SEMA5A: variants seen among roughly 807,000 people sequenced by gnomAD.
The protein encoded by SEMA5A is semaphorin-5A.
SEMA5A carries 55 observed loss-of-function variants against 135.5 expected under a neutral mutation model. The observed-to-expected ratio is 0.41, with a 90% confidence interval of 0.33 to 0.51. The LOEUF is 0.51. Ranked by LOEUF, SEMA5A falls within the 20% of genes least tolerant of loss-of-function variation. The probability of loss-of-function intolerance (pLI) is 0.37; values close to 1 mark genes in which losing one functional copy is unlikely to be tolerated. For missense variants in SEMA5A, 1,290 were observed against 1,419.9 expected, an observed-to-expected ratio of 0.91 and a Z score of 1.47; for synonymous variants, 580 against 546.5, an observed-to-expected ratio of 1.06 and a Z score of -0.85.
At chr5:9,449,731 C>G (rs764724515) in intron 1 of SEMA5A, among the ~76,000 whole-genome samples, 15 of 152,124 alleles carry the variant, frequency 9.9e-5, no homozygotes, top group Non-Finnish European at 1.8e-4. Flanking sequence ...CCGGGTGGTA[C>G]CTGGAGATGA....
chr5:9,110,727 A>C (rs565755097), intron 15 of SEMA5A, among the ~76,000 whole-genome samples: 1 of 152,340 alleles, frequency 6.6e-6, no homozygotes, highest in South Asian at 2.1e-4. Context: ...CTAAACTTAC[A>C]CATTTGAGCG....
intron 5 of SEMA5A, among the ~76,000 whole-genome samples, chr5:9,253,315 A>G (rs1332639961): frequency 6.6e-6 from 1 of 152,100 alleles, no homozygotes; most frequent in African/African-American, 2.4e-5. Flanking sequence ...TGTCTATATA[A>G]GCTTTTACTC....
chr5:9,049,107 C>T (rs1736424609), intron 21 of SEMA5A, among the ~76,000 whole-genome samples: 1 of 152,156 alleles, frequency 6.6e-6, no homozygotes, highest in Non-Finnish European at 1.5e-5. Context: ...AACTAACAGA[C>T]TGCTGACTGA....
At chr5:9,318,123 G>A (rs1339339920) in intron 5 of SEMA5A, among the ~76,000 whole-genome samples, 2 of 152,160 alleles carry the variant, frequency 1.3e-5, no homozygotes, top group Non-Finnish European at 2.9e-5. Flanking sequence ...ATCTAAGGAA[G>A]GACAAATCAG....
chr5:9,472,028 G>A (rs1229874602), intron 1 of SEMA5A, among the ~76,000 whole-genome samples: 2 of 152,072 alleles, frequency 1.3e-5, no homozygotes, highest in African/African-American at 2.4e-5. Flanking sequence ...TAAGTTTTAG[G>A]GTACATGTGC....
chr5:9,444,267 G>T (rs1293389947), intron 1 of SEMA5A, among the ~76,000 whole-genome samples: 1 of 151,594 alleles, frequency 6.6e-6, no homozygotes, highest in Non-Finnish European at 1.5e-5. Context: ...GTGGTGACTT[G>T]TAAGATCTTG....
At chr5:9,446,950 A>G (rs1322574885) in intron 1 of SEMA5A, among the ~76,000 whole-genome samples, 5 of 152,230 alleles carry the variant, frequency 3.3e-5, no homozygotes, top group African/African-American at 1.2e-4. Context: ...AACCTTTCTC[A>G]GAGAAAAAGC....
chr5:9,280,432 G>C, intron 5 of SEMA5A, among the ~76,000 whole-genome samples: 1 of 152,150 alleles, frequency 6.6e-6, no homozygotes, highest in East Asian at 1.9e-4. Context: ...CTGGACACAG[G>C]ACTTGGCCCA....
chr5:9,080,691 A>T (rs538200471), intron 16 of SEMA5A, among the ~76,000 whole-genome samples: 184 of 152,256 alleles, frequency 1.2e-3, no homozygotes, highest in African/African-American at 4.1e-3. Flanking sequence ...TTCATGAGGC[A>T]TGTGGTGTTG....
intron 1 of SEMA5A, among the ~76,000 whole-genome samples, chr5:9,526,952 T>A (rs1470155795): frequency 6.6e-6 from 1 of 152,198 alleles, no homozygotes; most frequent in Non-Finnish European, 1.5e-5. Flanking sequence ...TGAAAATTGA[T>A]GTTAATGGTC....
chr5:9,320,089 T>G (rs2150672462), intron 4 of SEMA5A, among the ~76,000 whole-genome samples: 1 of 152,106 alleles, frequency 6.6e-6, no homozygotes, highest in South Asian at 2.1e-4. Context: ...GGCATTCAGG[T>G]TTCACACAGT....
At chr5:9,125,741 C>T (rs941698371) in intron 13 of SEMA5A, among the ~76,000 whole-genome samples, 1 of 151,942 alleles carries the variant, frequency 6.6e-6, no homozygotes, top group East Asian at 1.9e-4. Flanking sequence ...CTCTGAAGAC[C>T]GTAGAGCTTT....
At chr5:9,362,778 T>C (rs139467091) in intron 3 of SEMA5A, among the ~76,000 whole-genome samples, 1 of 152,298 alleles carries the variant, frequency 6.6e-6, no homozygotes, top group Non-Finnish European at 1.5e-5. Flanking sequence ...ATATCAAATG[T>C]AAGATGATTT....
rs747582108 is a variant in SEMA5A at position 9,379,975 on chromosome 5, A to C, written c.-29T>G. ...GGGCAAGGGGCCTCTGACTCTGGGC[A>C]CGTGTCTTCTAAACAGAAGCTCTTC... On this transcript the variant is annotated 5_prime_UTR_variant, in exon 3 of 23. Coordinates refer to ENST00000382496, the MANE Select transcript of SEMA5A (RefSeq NM_003966.3). The C allele has an allele frequency of 3.8e-6, 6 of 1,594,238 alleles. No individual in the cohort carries two copies.
At chr5:9,525,341 C>G (rs1737065548) in intron 1 of SEMA5A, among the ~76,000 whole-genome samples, 1 of 152,192 alleles carries the variant, frequency 6.6e-6, no homozygotes, top group African/African-American at 2.4e-5. Context: ...CTGGCAGCAA[C>G]AGTAAAGGCA....
chr5:9,414,747 C>A (rs779704793), intron 2 of SEMA5A, among the ~76,000 whole-genome samples: 29 of 152,186 alleles, frequency 1.9e-4, no homozygotes, highest in Non-Finnish European at 3.5e-4. Flanking sequence ...ACACCATGGG[C>A]TTTTGAGTTG....
intron 5 of SEMA5A, among the ~76,000 whole-genome samples, chr5:9,244,072 A>G (rs528586121): frequency 6.6e-6 from 1 of 152,310 alleles, no homozygotes; most frequent in South Asian, 2.1e-4. Flanking sequence ...TAAAAGGACC[A>G]TGATTTGCCT....
In SEMA5A at chr5:9,038,565, T is replaced by C. The variant is rs1735776607; in HGVS notation, c.*4332A>G. On this transcript the variant is annotated 3_prime_UTR_variant, in exon 23 of 23. Transcript: ENST00000382496. ...AACACTGCAAATAAGCAAATGAATA[T>C]TTGTAAATTCAAATGCTAACAAGGC... The C allele has an allele frequency of 6.6e-6, 1 of 152,164 alleles. No homozygotes were observed. The highest frequency in any genetic ancestry group is 1.5e-5 in the Non-Finnish European group (1 of 68,030). The allele number at this position is 152,164 out of a possible 1,614,324, so 9.4% of individuals were successfully genotyped here. A position where few individuals can be genotyped will look rare whatever the true frequency, so the allele number is the denominator to read the frequency against.
chr5:9,183,528 C>G (rs1744640337), intron 11 of SEMA5A, among the ~76,000 whole-genome samples: 1 of 152,160 alleles, frequency 6.6e-6, no homozygotes, highest in African/African-American at 2.4e-5. Flanking sequence ...CCTGGTCCTG[C>G]CCAGGAATCT....
Sources: gnomAD v4.1 joint callset for allele counts (sites outside exome capture counted in the v4.1 genomes callset) on GRCh38, gnomAD v4.1.1 for gene constraint, MANE v1.5 for transcripts, NCBI Gene and HGNC (gene_info 2026-07-23, HGNC 2026-07-21) for gene names.